Variants in TMEM179 observed in about 807,000 individuals in gnomAD.
The protein encoded by TMEM179 is transmembrane protein 179.
Under a neutral mutation model 22.2 loss-of-function variants are expected in TMEM179, and 17 were observed. The ratio of observed to expected loss-of-function variants is 0.77; its 90% CI spans 0.52 to 1.15. The LOEUF (loss-of-function observed/expected upper bound fraction) is 1.15, where lower values mean the gene tolerates loss of function less well. Among genes scored for constraint, TMEM179 ranks in the 50% most tolerant of loss-of-function variants. The pLI, the probability that TMEM179 is intolerant of heterozygous loss-of-function variation, is 0.00. For missense variants in TMEM179, 265 were observed against 313.6 expected, an observed-to-expected ratio of 0.84 and a Z score of 1.17; for synonymous variants, 127 against 140.5, an observed-to-expected ratio of 0.90 and a Z score of 0.68.
chr14:104,599,222 G>A (rs111955586), intron 1 of TMEM179, among the ~76,000 whole-genome samples: 2,767 of 151,976 alleles, frequency 0.018, 85 homozygotes, highest in African/African-American at 0.059. Context: ...GCTCTTCAGA[G>A]TGCGTCTCCT....
At position 104,591,498 on chromosome 14, in the gene TMEM179, T is replaced by G. The variant is rs1886844708; in HGVS notation, c.*1981A>C. ...CATCAGCTTAGGGGGCCTCGGATTCTGTCCAAACCCCTTCCCTCGAGGACC... is the reference window on the plus strand; with the variant it reads ...CATCAGCTTAGGGGGCCTCGGATTCGGTCCAAACCCCTTCCCTCGAGGACC... On this transcript the variant is annotated 3_prime_UTR_variant, in exon 4 of 4. Transcript: ENST00000556573. 4.6e-6 allele frequency: 2 copies of G among 435,630 alleles called. No homozygotes were observed. The highest frequency in any genetic ancestry group is 9.2e-6 in the Non-Finnish European group (2 of 217,988). The allele number at this position is 435,630 out of a possible 1,614,324, so 27.0% of individuals were successfully genotyped here.
intron 1 of TMEM179, among the ~76,000 whole-genome samples, chr14:104,598,216 T>G (rs1434590320): frequency 1.3e-5 from 2 of 150,476 alleles, no homozygotes; most frequent in Non-Finnish European, 3.0e-5. Context: ...CTCCGGGGGG[T>G]AGGGAGAGGG....
Position 104,595,838 on chromosome 14 carries a change from C to T in TMEM179, c.444-595G>A, listed in dbSNP as rs2030452516. ...CTGGGCTCCCGGTAGGTGTCCTGCA[C>T]CCCCAACATAAAACGTGAAGCCAGG... On this transcript the variant is annotated intron_variant, in intron 2 of 3. Coordinates refer to ENST00000556573, the MANE Select transcript of TMEM179 (RefSeq NM_001286389.2). This position sits in a 1 kb window ranked among gnomAD's most constrained non-coding sequence, Gnocchi z 5.7. Among the ~76,000 whole-genome samples, 1 of 152,222 alleles carries T rather than the reference C, an allele frequency of 6.6e-6. No homozygotes were observed. Among genetic ancestry groups the T allele is most frequent in the African/African-American group, 2.4e-5 (1 of 41,464 alleles).
Position 104,604,117 on chromosome 14 carries a change from C to G in TMEM179, c.305+320G>C, listed in dbSNP as rs1299705776. On this transcript the variant is annotated intron_variant, in intron 1 of 3. Coordinates refer to ENST00000556573, the MANE Select transcript of TMEM179 (RefSeq NM_001286389.2). The surrounding 1 kb of genome is among the most constrained non-coding windows in gnomAD (Gnocchi z 4.6). The stretch of plus-strand genomic sequence containing the variant: ...GCGAGTGTGGCCCGGCTGAGCCCGC[C>G]CAGGAAGGTCCAGGCCTGCTGGGTG... Among the ~76,000 whole-genome samples, 1 of 152,208 alleles carries G rather than the reference C, an allele frequency of 6.6e-6. No individual in the cohort carries two copies. Among genetic ancestry groups the G allele is most frequent in the Non-Finnish European group, 1.5e-5 (1 of 68,030 alleles).
At chr14:104,594,908 CCCAGGGCCTTG>C (rs1886966701) in intron 3 of TMEM179, 7 of 1,361,270 alleles carry the variant, frequency 5.1e-6, no homozygotes, top group Admixed American at 6.6e-5. Context: ...CACCCCAGAC[CCCAGGGCCTTG>C]CCACTTCCTG....
At position 104,595,309 on chromosome 14, in the gene TMEM179, C is replaced by T. The variant is rs566590583; in HGVS notation, c.444-66G>A. ...CAGCCAGTGCGGGACATGGCTGAGC[C>T]GCTGGCCAGAGAGCCAGGAGCTTTG... On this transcript the variant is annotated intron_variant, in intron 2 of 3. Transcript: ENST00000556573. This position sits in a 1 kb window ranked among gnomAD's most constrained non-coding sequence, Gnocchi z 5.7. 83 of 1,505,080 alleles carry T rather than the reference C, an allele frequency of 5.5e-5. No individual in the cohort carries two copies. Among genetic ancestry groups the T allele is most frequent in the East Asian group, 1.2e-4 (5 of 43,054 alleles). The allele number at this position is 1,505,080 out of a possible 1,614,324, so 93.2% of individuals were successfully genotyped here.
In TMEM179 at chr14:104,597,081, C is replaced by T; in HGVS notation, c.352G>A (p.Val118Ile). ...GTGCTGGCAATGAAGACCAGGAAGA[C>T]CACGAAGGCGCTGACCAGGAGGTTC... ...FLNLLVSAFV[V>I]FLVFIASTIV... Residue 118 changes from valine (V) to isoleucine (I), a missense_variant, in exon 2 of 4, where the codon GTC becomes ATC. By Grantham distance (29) the Val-to-Ile change is conservative. Transcript: ENST00000556573. This position sits in a 1 kb window ranked among gnomAD's most constrained non-coding sequence, Gnocchi z 4.8. 6.2e-7 allele frequency: 1 copy of T among 1,607,558 alleles called. No homozygotes were observed. Among genetic ancestry groups the T allele is most frequent in the Non-Finnish European group, 8.5e-7 (1 of 1,177,704 alleles).
Position 104,595,093 on chromosome 14 carries a change from T to C in TMEM179, c.522+72A>G, listed in dbSNP as rs564831785. The C allele has an allele frequency of 6.2e-7, 1 of 1,607,112 alleles. No homozygotes were observed. The highest frequency in any genetic ancestry group is 2.2e-5 in the East Asian group (1 of 44,702). On this transcript the variant is annotated intron_variant, in intron 3 of 3. Coordinates refer to ENST00000556573, the MANE Select transcript of TMEM179 (RefSeq NM_001286389.2). This position sits in a 1 kb window ranked among gnomAD's most constrained non-coding sequence, Gnocchi z 5.7. ...CCTCCTCCTCTGGATGGGGGAGAGCTCAGCAAATGTCCAGCAGTAAATGGC... is the reference window on the plus strand; with the variant it reads ...CCTCCTCCTCTGGATGGGGGAGAGCCCAGCAAATGTCCAGCAGTAAATGGC...
At position 104,595,992 on chromosome 14, in the gene TMEM179, C is replaced by T. The variant is rs553543724; in HGVS notation, c.444-749G>A. On this transcript the variant is annotated intron_variant, in intron 2 of 3. Coordinates refer to ENST00000556573, the MANE Select transcript of TMEM179 (RefSeq NM_001286389.2). The surrounding 1 kb of genome is among the most constrained non-coding windows in gnomAD (Gnocchi z 5.7). ...TTGCGTGTGTACCAGAGGTTGCCCA[C>T]ACTCTTGGGAAGCAGGTGGCCCGAG... 7.2e-5 allele frequency among the ~76,000 whole-genome samples: 11 copies of T among 152,384 alleles called. No individual in the cohort carries two copies. The highest frequency in any genetic ancestry group is 2.6e-4 in the African/African-American group (11 of 41,590).
At chr14:104,600,042 A>G (rs910967504) in intron 1 of TMEM179, among the ~76,000 whole-genome samples, 2 of 152,186 alleles carry the variant, frequency 1.3e-5, no homozygotes, top group Non-Finnish European at 2.9e-5. Context: ...CAGATCGAGG[A>G]GTTCCCCATG....
At chr14:104,598,120 C>T (rs11160812) in intron 1 of TMEM179, among the ~76,000 whole-genome samples, 82,581 of 152,068 alleles carry the variant, frequency 0.54, 23,615 homozygotes, top group Non-Finnish European at 0.64. Context: ...GGCCTGCAAA[C>T]GTCCATCATC....
In TMEM179 at chr14:104,595,714, G is replaced by A. The variant is rs1886999929; in HGVS notation, c.444-471C>T. The stretch of plus-strand genomic sequence containing the variant: ...GGGCTGCCTCAGCCAGACAGAGATG[G>A]AGGTGGCATCCCCACCAACGCTGCC... On this transcript the variant is annotated intron_variant, in intron 2 of 3. Transcript: ENST00000556573. This position sits in a 1 kb window ranked among gnomAD's most constrained non-coding sequence, Gnocchi z 5.7. Among the ~76,000 whole-genome samples the A allele has an allele frequency of 6.6e-6, 1 of 152,200 alleles. No individual in the cohort carries two copies. The highest frequency in any genetic ancestry group is 1.5e-5 in the Non-Finnish European group (1 of 68,024).
rs1255236328 is a variant in TMEM179, at chr14:104,597,604, G to A, written c.306-477C>T. On this transcript the variant is annotated intron_variant, in intron 1 of 3. Coordinates refer to ENST00000556573, the MANE Select transcript of TMEM179 (RefSeq NM_001286389.2). This position sits in a 1 kb window ranked among gnomAD's most constrained non-coding sequence, Gnocchi z 4.8. The stretch of plus-strand genomic sequence containing the variant: ...GTCATGAGGGTGAAGCCTCATGAAT[G>A]AAATGAGTGCCCTCCTAGGAGAGAC... 1.4e-4 allele frequency among the ~76,000 whole-genome samples: 21 copies of A among 152,124 alleles called. No homozygotes were observed. The highest frequency in any genetic ancestry group is 1.4e-3 in the Admixed American group (21 of 15,280).
rs201845504 is a variant in TMEM179, at chr14:104,595,085, G to C, written c.522+80C>G. 2.5e-6 allele frequency: 4 copies of C among 1,604,622 alleles called. No individual in the cohort carries two copies. The highest frequency in any genetic ancestry group is 3.4e-6 in the Non-Finnish European group (4 of 1,174,706). On this transcript the variant is annotated intron_variant, in intron 3 of 3. Coordinates refer to ENST00000556573, the MANE Select transcript of TMEM179 (RefSeq NM_001286389.2). This position sits in a 1 kb window ranked among gnomAD's most constrained non-coding sequence, Gnocchi z 5.7. ...GGAGCCTGCCTCCTCCTCTGGATGGGGGAGAGCTCAGCAAATGTCCAGCAG... is the reference window on the plus strand; with the variant it reads ...GGAGCCTGCCTCCTCCTCTGGATGGCGGAGAGCTCAGCAAATGTCCAGCAG...
chr14:104,598,590 C>A (rs1887123016), intron 1 of TMEM179, among the ~76,000 whole-genome samples: 1 of 152,246 alleles, frequency 6.6e-6, no homozygotes, highest in Admixed American at 6.5e-5. Context: ...ACACAGAGGG[C>A]AGAGTGATAC....
Position 104,604,482 on chromosome 14 carries a change from G to C in TMEM179, c.260C>G (p.Ala87Gly). Residue 87 changes from alanine to glycine, a missense_variant, in exon 1 of 4, where the codon GCG becomes GGG. Physicochemically the swap from Ala to Gly is moderately conservative, Grantham distance 60 (BLOSUM62 0). Transcript: ENST00000556573. The surrounding 1 kb of genome is among the most constrained non-coding windows in gnomAD (Gnocchi z 4.6). ...GAAGAAGAGCGTGCGCCAGGCGTGC[G>C]CGGCGGCCAGCAGCAGAGACAGGAG... is the stretch of plus-strand genomic sequence containing the variant. ...ASLLSLLLAA[A>G]HAWRTLFFLC... The C allele has an allele frequency of 6.3e-7, 1 of 1,580,546 alleles. No homozygotes were observed. The highest frequency in any genetic ancestry group is 1.4e-5 in the African/African-American group (1 of 72,788).
rs375775776 is a variant in TMEM179 at position 104,596,986 on chromosome 14, G to A, written c.443+4C>T. 172 of 1,599,726 alleles carry A rather than the reference G, an allele frequency of 1.1e-4. No homozygotes were observed. Among genetic ancestry groups the A allele is most frequent in the Non-Finnish European group, 1.4e-4 (162 of 1,176,366 alleles). On this transcript the variant is annotated splice_donor_region_variant and intron_variant, in intron 2 of 3. Coordinates refer to ENST00000556573, the MANE Select transcript of TMEM179 (RefSeq NM_001286389.2). ...GGAGGCCGAGGCGGGTGGGGCGGGC[G>A]CACCTGTGGGGTACGGTGCCCTTCT...
intron 3 of TMEM179, chr14:104,594,797 C>A: frequency 8.2e-7 from 1 of 1,222,220 alleles, no homozygotes; most frequent in Non-Finnish European, 1.0e-6. Flanking sequence ...CCACCCAGCG[C>A]CAGCACCAAA....
intron 1 of TMEM179, among the ~76,000 whole-genome samples, chr14:104,602,896 G>A (rs554036725): frequency 6.6e-6 from 1 of 152,332 alleles, no homozygotes; most frequent in African/African-American, 2.4e-5. Flanking sequence ...ACCCGTGACT[G>A]TGACTTTGTT....
Sources: allele counts gnomAD v4.1 joint callset (sites outside exome capture counted in the v4.1 genomes callset), GRCh38; gene constraint gnomAD v4.1.1; non-coding constraint Gnocchi (gnomAD v3.1); transcripts MANE v1.5; gene names NCBI Gene and HGNC (gene_info 2026-07-23, HGNC 2026-07-21).